Variants in AGBL4 observed in about 807,000 individuals in gnomAD.
AGBL4 encodes the protein AGBL carboxypeptidase 4, also known as cytosolic carboxypeptidase 6.
Under a neutral mutation model 66.4 loss-of-function variants are expected in AGBL4, and 58 were observed. The ratio of observed to expected loss-of-function variants is 0.87; its 90% CI spans 0.71 to 1.09. The LOEUF (loss-of-function observed/expected upper bound fraction) is 1.09. Ranked by LOEUF, AGBL4 falls within the 50% of genes least tolerant of loss-of-function variation. AGBL4 has a pLI of 0.00. For missense variants in AGBL4, 579 were observed against 631.0 expected, an observed-to-expected ratio of 0.92 and a Z score of 0.88; for synonymous variants, 234 against 222.9, an observed-to-expected ratio of 1.05 and a Z score of -0.44.
chr1:48,865,563 TC>T (rs142870145), intron 6 of AGBL4, among the ~76,000 whole-genome samples: 1,973 of 152,298 alleles, frequency 0.013, 41 homozygotes, highest in African/African-American at 0.043. Context: ...GATTTTTTTT[TC>T]AATCCCAAAG....
chr1:49,585,927 T>C (rs1644638552), intron 3 of AGBL4, among the ~76,000 whole-genome samples: 1 of 152,168 alleles, frequency 6.6e-6, no homozygotes, highest in Non-Finnish European at 1.5e-5. Flanking sequence ...ATTCCCATTT[T>C]TCCCCCCTGA....
chr1:49,288,802 A>G (rs1644478511), intron 3 of AGBL4, among the ~76,000 whole-genome samples: 1 of 152,240 alleles, frequency 6.6e-6, no homozygotes, highest in South Asian at 2.1e-4. Context: ...GGCAAGCCAA[A>G]CATATACCTG....
At chr1:49,625,958 G>A (rs1251745589) in intron 3 of AGBL4, among the ~76,000 whole-genome samples, 1 of 152,088 alleles carries the variant, frequency 6.6e-6, no homozygotes, top group African/African-American at 2.4e-5. Flanking sequence ...CAAAATCAGG[G>A]AATTCAAACA....
At chr1:49,780,595 G>A (rs1644314024) in intron 2 of AGBL4, among the ~76,000 whole-genome samples, 1 of 152,016 alleles carries the variant, frequency 6.6e-6, no homozygotes, top group South Asian at 2.1e-4. Context: ...TAGCACAAAA[G>A]GGGGAAGAAA....
chr1:48,794,869 C>T (rs948258140), intron 6 of AGBL4, among the ~76,000 whole-genome samples: 3 of 152,092 alleles, frequency 2.0e-5, no homozygotes, highest in African/African-American at 7.2e-5. Context: ...CTAGACATAC[C>T]AACTTTAAGG....
At chr1:50,006,296 G>A (rs577444806) in intron 1 of AGBL4, among the ~76,000 whole-genome samples, 17 of 149,720 alleles carry the variant, frequency 1.1e-4, no homozygotes, top group Non-Finnish European at 2.1e-4. Context: ...CCAAGATTGC[G>A]CCACTGCACT....
chr1:49,799,075 A>G (rs1571591187), intron 2 of AGBL4, among the ~76,000 whole-genome samples: 1 of 152,170 alleles, frequency 6.6e-6, no homozygotes, highest in Non-Finnish European at 1.5e-5. Flanking sequence ...ATGGATTTAA[A>G]TTCTCAGGAA....
At position 48,940,550 on chromosome 1, in the gene AGBL4, A is replaced by G. The variant is rs117055854; in HGVS notation, c.595-73320T>C. The stretch of plus-strand genomic sequence containing the variant: ...ACAAGTAGTGTTTTGGGAAATGAAA[A>G]TGGTTTACAGATATGTGCCTGTCCC... On this transcript the variant is annotated intron_variant, in intron 5 of 13. Coordinates refer to ENST00000371839, the MANE Select transcript of AGBL4 (RefSeq NM_032785.4). Among the ~76,000 whole-genome samples, 28 of 152,296 alleles carry G rather than the reference A, an allele frequency of 1.8e-4. No individual in the cohort carries two copies. The East Asian group carries it at 5.0e-3, about 27-fold the overall frequency.
intron 9 of AGBL4, among the ~76,000 whole-genome samples, chr1:48,618,765 T>C (rs1293769394): frequency 6.6e-6 from 1 of 152,162 alleles, no homozygotes; most frequent in African/African-American, 2.4e-5. Flanking sequence ...CTAATTTACC[T>C]AGCATGCTCA....
At chr1:49,919,943 C>T (rs955215085) in intron 1 of AGBL4, among the ~76,000 whole-genome samples, 2 of 152,192 alleles carry the variant, frequency 1.3e-5, no homozygotes, top group Non-Finnish European at 2.9e-5. Context: ...CACACATCTA[C>T]AACTATCTGA....
intron 3 of AGBL4, among the ~76,000 whole-genome samples, chr1:49,646,498 A>C (rs1409599134): frequency 6.6e-6 from 1 of 151,954 alleles, no homozygotes; most frequent in African/African-American, 2.4e-5. Context: ...AAGACCTATA[A>C]ATTTAAAACT....
intron 2 of AGBL4, among the ~76,000 whole-genome samples, chr1:49,727,839 T>G (rs1649147331): frequency 6.6e-6 from 1 of 152,160 alleles, no homozygotes; most frequent in Admixed American, 6.6e-5. Flanking sequence ...TATAGAGGTT[T>G]ACTAAGTGGA....
In AGBL4 at chr1:49,780,901, T is replaced by C. The variant is rs189291583; in HGVS notation, c.157+70495A>G. Among the ~76,000 whole-genome samples the C allele has an allele frequency of 2.9e-3, 441 of 152,078 alleles. 1 individual carries two copies. Among genetic ancestry groups the C allele is most frequent in the Middle Eastern group, 0.01 (3 of 294 alleles). ...CATTAAATATGAATGGATTAAATAA[T>C]CCAATCAAAAGGCAGACATTATAAC... On this transcript the variant is annotated intron_variant, in intron 2 of 13. Transcript: ENST00000371839.
rs561347104 is a variant in AGBL4, at chr1:49,398,011, CTTTG to C, written c.283-152151_283-152148del. On this transcript the variant is annotated intron_variant, in intron 3 of 13. Coordinates refer to ENST00000371839, the MANE Select transcript of AGBL4 (RefSeq NM_032785.4). ...CTGTGCAGAAAATCTCATTAAAGTA[CTTTG>C]TTTGTCTTGGATACTTTTAATACAA... 1.1e-3 allele frequency among the ~76,000 whole-genome samples: 168 copies of C among 152,282 alleles called. 1 individual carries two copies. Among genetic ancestry groups the C allele is most frequent in the African/African-American group, 3.7e-3 (155 of 41,570 alleles).
At chr1:49,521,882 T>C (rs1419702894) in intron 3 of AGBL4, among the ~76,000 whole-genome samples, 1 of 149,316 alleles carries the variant, frequency 6.7e-6, no homozygotes, top group Non-Finnish European at 1.5e-5. Context: ...ACCCATAGAA[T>C]GAGAACAATA....
chr1:49,811,416 G>T (rs1645100532), intron 2 of AGBL4, among the ~76,000 whole-genome samples: 1 of 152,062 alleles, frequency 6.6e-6, no homozygotes, highest in Admixed American at 6.6e-5. Flanking sequence ...GAAAGAGAAT[G>T]GCTTTCTTGG....
chr1:49,003,497 A>G (rs1661550256), intron 5 of AGBL4, among the ~76,000 whole-genome samples: 1 of 152,226 alleles, frequency 6.6e-6, no homozygotes, highest in Non-Finnish European at 1.5e-5. Flanking sequence ...AAGAGAATGT[A>G]TATTTATTGG....
intron 3 of AGBL4, among the ~76,000 whole-genome samples, chr1:49,654,896 T>C (rs890808572): frequency 6.6e-6 from 1 of 152,202 alleles, no homozygotes; most frequent in African/African-American, 2.4e-5. Context: ...TCTGTGTCTT[T>C]TAACTGGAGC....
intron 2 of AGBL4, among the ~76,000 whole-genome samples, chr1:49,788,966 T>C (rs926088925): frequency 2.0e-5 from 3 of 152,234 alleles, no homozygotes; most frequent in Non-Finnish European, 4.4e-5. Flanking sequence ...CAGTATGATA[T>C]TGGCTGTGGG....
Sources: allele counts gnomAD v4.1 joint callset (sites outside exome capture counted in the v4.1 genomes callset), GRCh38; gene constraint gnomAD v4.1.1; transcripts MANE v1.5; gene names NCBI Gene and HGNC (gene_info 2026-07-23, HGNC 2026-07-21).